The following IMMP2L variants were observed in gnomAD, a reference collection of about 807,000 sequenced individuals.
IMMP2L encodes the protein mitochondrial inner membrane protease subunit 2.
Under a neutral mutation model 19.3 loss-of-function variants are expected in IMMP2L, and 18 were observed. The ratio of observed to expected loss-of-function variants is 0.93; its 90% CI spans 0.64 to 1.38. The LOEUF (loss-of-function observed/expected upper bound fraction) is 1.38. IMMP2L is among the 40% of genes most tolerant of loss of function. The probability of loss-of-function intolerance (pLI) is 0.00; values close to 1 mark genes in which losing one functional copy is unlikely to be tolerated. For missense variants in IMMP2L, 233 were observed against 218.2 expected (o/e 1.07, Z -0.43); for synonymous variants, 76 against 73.0 (o/e 1.04, Z -0.21).
intron 5 of IMMP2L, among the ~76,000 whole-genome samples, chr7:110,826,439 A>T (rs927000729): frequency 1.3e-5 from 2 of 152,180 alleles, no homozygotes; most frequent in Admixed American, 1.3e-4. Context: ...AACCAACCCA[A>T]ATGTCCATCA....
chr7:111,230,896 ACTT>A (rs1173540149), intron 3 of IMMP2L, among the ~76,000 whole-genome samples: 1 of 151,972 alleles, frequency 6.6e-6, no homozygotes, highest in South Asian at 2.1e-4. Flanking sequence ...ATGATGAAAA[ACTT>A]CTTTGAAGAA....
intron 3 of IMMP2L, among the ~76,000 whole-genome samples, chr7:111,204,982 A>T (rs1810545385): frequency 6.6e-6 from 1 of 152,164 alleles, no homozygotes; most frequent in African/African-American, 2.4e-5. Context: ...AGACTGGGTA[A>T]TTTATAAGGA....
chr7:110,867,965 T>G (rs151305190), intron 5 of IMMP2L, among the ~76,000 whole-genome samples: 1 of 151,942 alleles, frequency 6.6e-6, no homozygotes, highest in East Asian at 1.9e-4. Context: ...TCCCCATAGG[T>G]CTTTAGGGCT....
chr7:111,254,733 A>T (rs1428464391), intron 3 of IMMP2L, among the ~76,000 whole-genome samples: 1 of 152,106 alleles, frequency 6.6e-6, no homozygotes, highest in African/African-American at 2.4e-5. Flanking sequence ...TAAGTCCCAG[A>T]GTCGTCCTGC....
At chr7:111,366,407 CAAAA>C (rs911658425) in intron 3 of IMMP2L, among the ~76,000 whole-genome samples, 2 of 147,236 alleles carry the variant, frequency 1.4e-5, no homozygotes, top group Admixed American at 1.4e-4. Context: ...TTATAAAAGA[CAAAA>C]AAGCAAGCTG....
chr7:111,050,549 A>T (rs1335578495), intron 3 of IMMP2L, among the ~76,000 whole-genome samples: 1 of 152,074 alleles, frequency 6.6e-6, no homozygotes, highest in Non-Finnish European at 1.5e-5. Context: ...TTTAAAGGGG[A>T]CATCTTTTTT....
chr7:111,472,839 T>A (rs1841384756), intron 3 of IMMP2L, among the ~76,000 whole-genome samples: 1 of 152,048 alleles, frequency 6.6e-6, no homozygotes, highest in Non-Finnish European at 1.5e-5. Context: ...CTCATGCCTG[T>A]AATCCCAGCA....
intron 3 of IMMP2L, among the ~76,000 whole-genome samples, chr7:111,055,842 C>G (rs1793462194): frequency 6.6e-6 from 1 of 152,166 alleles, no homozygotes; most frequent in South Asian, 2.1e-4. Flanking sequence ...TTCTTATAAT[C>G]ATGGGATCCG....
chr7:110,994,758 T>C (rs75064183), intron 3 of IMMP2L, among the ~76,000 whole-genome samples: 2,300 of 152,206 alleles, frequency 0.015, 52 homozygotes, highest in African/African-American at 0.052. Flanking sequence ...ATCTAAATAA[T>C]AGAGAGGCAC....
chr7:111,205,816 G>C (rs1810642658), intron 3 of IMMP2L, among the ~76,000 whole-genome samples: 1 of 152,104 alleles, frequency 6.6e-6, no homozygotes, highest in African/African-American at 2.4e-5. Flanking sequence ...ACAAGCTGAG[G>C]CTGTTGATGA....
intron 3 of IMMP2L, among the ~76,000 whole-genome samples, chr7:111,415,635 T>C (rs537060917): frequency 3.3e-5 from 5 of 151,970 alleles, no homozygotes; most frequent in African/African-American, 9.7e-5. Context: ...ATTTTGCATA[T>C]AGTTGGCATT....
intron 3 of IMMP2L, among the ~76,000 whole-genome samples, chr7:111,141,631 G>A (rs113476931): frequency 0.017 from 2,521 of 152,128 alleles, 28 homozygotes; most frequent in Non-Finnish European, 0.027. Flanking sequence ...GGGTTTATGG[G>A]GGTTTTTATT....
At chr7:111,134,098 C>A (rs561967074) in intron 3 of IMMP2L, among the ~76,000 whole-genome samples, 1 of 152,062 alleles carries the variant, frequency 6.6e-6, no homozygotes, top group South Asian at 2.1e-4. Context: ...TTAAGATTGA[C>A]CTAGTTCTGT....
intron 5 of IMMP2L, among the ~76,000 whole-genome samples, chr7:110,666,300 A>C (rs1024936811): frequency 3.3e-5 from 5 of 152,010 alleles, no homozygotes; most frequent in African/African-American, 1.2e-4. Context: ...TTTGAGACAG[A>C]GTCTCACTCT....
rs1338714464 is a variant in IMMP2L at position 110,758,204 on chromosome 7, A to T, written c.409-94483T>A. 6.6e-6 allele frequency among the ~76,000 whole-genome samples: 1 copy of T among 152,028 alleles called. No individual in the cohort carries two copies. The highest frequency in any genetic ancestry group is 1.5e-5 in the Non-Finnish European group (1 of 67,998). ...CCTCTTGGAGTCATTATTAACACTG[A>T]GAAGACTGGTTTCTGTACAGTGATG... On this transcript the variant is annotated intron_variant, in intron 5 of 5. Transcript: ENST00000405709. The surrounding 1 kb of genome is among the most constrained non-coding windows in gnomAD (Gnocchi z 4.6).
chr7:110,821,838 G>A (rs769011022), intron 5 of IMMP2L, among the ~76,000 whole-genome samples: 17 of 152,014 alleles, frequency 1.1e-4, no homozygotes, highest in Admixed American at 5.3e-4. Flanking sequence ...CAGGAGAATC[G>A]CTTGAACCCA....
chr7:111,008,146 C>T (rs2129562827), intron 3 of IMMP2L, among the ~76,000 whole-genome samples: 1 of 152,126 alleles, frequency 6.6e-6, no homozygotes, highest in South Asian at 2.1e-4. Flanking sequence ...CCTCCCCATT[C>T]TCTATTTTCA....
intron 3 of IMMP2L, among the ~76,000 whole-genome samples, chr7:111,263,809 C>G (rs1275881278): frequency 6.6e-6 from 1 of 152,094 alleles, no homozygotes; most frequent in African/African-American, 2.4e-5. Context: ...GAGCACATGG[C>G]TTTACTGGAA....
At chr7:110,776,272 G>A (rs1799380955) in intron 5 of IMMP2L, among the ~76,000 whole-genome samples, 1 of 152,018 alleles carries the variant, frequency 6.6e-6, no homozygotes, top group Admixed American at 6.6e-5. Flanking sequence ...CTGTACAACA[G>A]GGTGAGTTAA....
Sources: gnomAD v4.1 joint callset for allele counts (sites outside exome capture counted in the v4.1 genomes callset) on GRCh38, gnomAD v4.1.1 for gene constraint, Gnocchi (gnomAD v3.1) non-coding constraint, MANE v1.5 for transcripts, NCBI Gene and HGNC (gene_info 2026-07-23, HGNC 2026-07-21) for gene names.